The following STK3 variants were observed in gnomAD, a reference collection of about 807,000 sequenced individuals.
STK3 encodes the protein serine/threonine kinase 3.
A neutral mutation model predicts 58.0 loss-of-function variants in STK3; 41 were observed. The observed-to-expected ratio is 0.71, with a 90% CI of 0.55 to 0.92. The LOEUF (loss-of-function observed/expected upper bound fraction) is 0.92, where lower values mean the gene tolerates loss of function less well. Ranked by LOEUF, STK3 falls within the 40% of genes least tolerant of loss-of-function variation. The pLI is 0.00. For missense variants in STK3, 479 were observed against 602.7 expected, an observed-to-expected ratio of 0.79 and a Z score of 2.15; for synonymous variants, 170 against 191.0, an observed-to-expected ratio of 0.89 and a Z score of 0.91.
chr8:98,780,853 TAA>T (rs1186234301), intron 1 of STK3, among the ~76,000 whole-genome samples: 2 of 151,888 alleles, frequency 1.3e-5, no homozygotes, highest in East Asian at 3.9e-4. Flanking sequence ...TAAGAAAAAA[TAA>T]GAGTCAAACA....
chr8:98,409,758 A>G (rs1818035131), intron 3 of STK3, among the ~76,000 whole-genome samples: 1 of 152,222 alleles, frequency 6.6e-6, no homozygotes, highest in Non-Finnish European at 1.5e-5. Context: ...CACTGCCCTT[A>G]AGTCCCTTCT....
chr8:98,497,604 G>C (rs1013502438), intron 10 of STK3, among the ~76,000 whole-genome samples: 3 of 152,024 alleles, frequency 2.0e-5, no homozygotes, highest in Non-Finnish European at 4.4e-5. Flanking sequence ...ATAATAAAAA[G>C]ACTAATAACC....
At chr8:98,436,529 C>T (rs1166089143) in intron 2 of STK3, 1 of 152,202 alleles carries the variant, frequency 6.6e-6, no homozygotes, top group Admixed American at 6.5e-5. Context: ...TCTTTGAATC[C>T]TCCCAATGTA....
intron 6 of STK3, among the ~76,000 whole-genome samples, chr8:98,629,523 G>A (rs1587084084): frequency 6.6e-6 from 1 of 152,098 alleles, no homozygotes; most frequent in Non-Finnish European, 1.5e-5. Flanking sequence ...GAGGGATCCA[G>A]GTAAAGTCAT....
At chr8:98,392,062 T>C (rs1586546242), upstream of STK3, among the ~76,000 whole-genome samples, 1 of 152,350 alleles carries the variant, frequency 6.6e-6, no homozygotes, top group South Asian at 2.1e-4. Flanking sequence ...ATCTCTCCTC[T>C]TATCCCCCAA....
At chr8:98,921,405 A>T (rs1839557548) in intron 1 of STK3, 1 of 152,544 alleles carries the variant, frequency 6.6e-6, no homozygotes, top group Admixed American at 6.5e-5. Flanking sequence ...ATGGTCATCC[A>T]CTTCAACTGA....
At chr8:98,893,599 G>A (rs1412055266) in intron 1 of STK3, among the ~76,000 whole-genome samples, 1 of 151,034 alleles carries the variant, frequency 6.6e-6, no homozygotes, top group Non-Finnish European at 1.5e-5. Flanking sequence ...AGAAGGAAAG[G>A]AAAGGAAAGG....
intron 4 of STK3, among the ~76,000 whole-genome samples, chr8:98,743,317 C>T (rs1211459381): frequency 6.7e-6 from 1 of 150,176 alleles, no homozygotes; most frequent in Non-Finnish European, 1.5e-5. Flanking sequence ...AGGCATCATA[C>T]TACCTGACTT....
chr8:98,434,329 G>A (rs1291519029), intron 2 of STK3: 2 of 152,152 alleles, frequency 1.3e-5, no homozygotes, highest in African/African-American at 4.8e-5. Flanking sequence ...CTGCAGCAAG[G>A]GTATAAATGG....
intron 3 of STK3, among the ~76,000 whole-genome samples, chr8:98,842,822 G>A (rs1283255893): frequency 6.6e-6 from 1 of 152,092 alleles, no homozygotes; most frequent in East Asian, 1.9e-4. Context: ...GCAACATGGT[G>A]AAACCTCCCT....
intron 3 of STK3, among the ~76,000 whole-genome samples, chr8:98,426,398 C>T (rs1186774185): frequency 6.6e-6 from 1 of 152,188 alleles, no homozygotes; most frequent in South Asian, 2.1e-4. Context: ...ACACACAGCG[C>T]CCTGCAGTCC....
intron 9 of STK3, among the ~76,000 whole-genome samples, chr8:98,542,378 G>A (rs987619195): frequency 6.6e-6 from 1 of 152,138 alleles, no homozygotes; most frequent in African/African-American, 2.4e-5. Flanking sequence ...GATGCCAAGT[G>A]CGCTGAGTAC....
chr8:98,619,508 T>C (rs1818066426), intron 6 of STK3, among the ~76,000 whole-genome samples: 1 of 138,150 alleles, frequency 7.2e-6, no homozygotes, highest in African/African-American at 2.8e-5. Context: ...CAAAAGAAAC[T>C]ACCATCAGAG....
intron 6 of STK3, among the ~76,000 whole-genome samples, chr8:98,675,075 T>C (rs1279840881): frequency 6.6e-6 from 1 of 152,202 alleles, no homozygotes; most frequent in Non-Finnish European, 1.5e-5. Flanking sequence ...TAGGTCAAGC[T>C]CCTTAAAACA....
chr8:98,650,111 A>T (rs1485935926), intron 6 of STK3, among the ~76,000 whole-genome samples: 1 of 152,198 alleles, frequency 6.6e-6, no homozygotes, highest in Non-Finnish European at 1.5e-5. Flanking sequence ...ATTAAGTCTG[A>T]TAATATTTTA....
At chr8:98,805,745 C>A (rs1352618470) in intron 1 of STK3, among the ~76,000 whole-genome samples, 1 of 152,096 alleles carries the variant, frequency 6.6e-6, no homozygotes, top group Non-Finnish European at 1.5e-5. Flanking sequence ...ACCTTCATAA[C>A]TGATTTGAGA....
intron 10 of STK3, among the ~76,000 whole-genome samples, chr8:98,514,670 C>A (rs1016068000): frequency 1.3e-5 from 2 of 152,014 alleles, no homozygotes; most frequent in Non-Finnish European, 2.9e-5. Flanking sequence ...ACTGTTCCTG[C>A]CCCACTCACC....
chr8:98,882,737 G>A (rs1486360820), downstream of STK3: 2 of 152,148 alleles, frequency 1.3e-5, no homozygotes, highest in African/African-American at 2.4e-5. Context: ...TACTCACCAG[G>A]TGATGCATTC....
intron 1 of STK3, among the ~76,000 whole-genome samples, chr8:98,384,410 G>A (rs895783522): frequency 1.6e-4 from 24 of 152,090 alleles, no homozygotes; most frequent in Admixed American, 6.6e-5. Flanking sequence ...TCATTGCTTC[G>A]TTCTTTCGTT....
Sources: gnomAD v4.1 joint callset for allele counts (sites outside exome capture counted in the v4.1 genomes callset) on GRCh38, gnomAD v4.1.1 for gene constraint, MANE v1.5 for transcripts, NCBI Gene and HGNC (gene_info 2026-07-23, HGNC 2026-07-21) for gene names.